The following PDE5A variants were observed in gnomAD, a reference collection of about 807,000 sequenced individuals.
PDE5A encodes cGMP-specific 3',5'-cyclic phosphodiesterase.
A neutral mutation model predicts 110.2 loss-of-function variants in PDE5A; 67 were observed. The observed-to-expected ratio is 0.61, with a 90% CI of 0.50 to 0.75. The LOEUF (loss-of-function observed/expected upper bound fraction) is 0.75, where lower values mean the gene tolerates loss of function less well. Among genes scored for constraint, PDE5A ranks in the 30% least tolerant of loss-of-function variants. PDE5A has a pLI of 0.00. For missense variants in PDE5A, 862 were observed against 1,045.1 expected (o/e 0.82, Z 2.42); for synonymous variants, 328 against 351.2 (o/e 0.93, Z 0.74).
At chr4:119,502,359 A>G (rs1725377644) in intron 19 of PDE5A, 2 of 348,542 alleles carry the variant, frequency 5.7e-6, no homozygotes, top group Non-Finnish European at 1.0e-5. Flanking sequence ...AATTACAAAG[A>G]ACACTGATAC....
At chr4:119,547,919 G>T (rs545562193) in intron 9 of PDE5A, among the ~76,000 whole-genome samples, 57 of 151,818 alleles carry the variant, frequency 3.8e-4, no homozygotes, top group Non-Finnish European at 6.9e-4. Flanking sequence ...TGAAAGTAAA[G>T]CTATATATGT....
intron 6 of PDE5A, 66 bp from the exon 7 acceptor site, chr4:119,560,429 A>C: frequency 1.0e-6 from 1 of 953,570 alleles, no homozygotes; most frequent in South Asian, 1.8e-5. Context: ...CTAGATACAG[A>C]CATACATGCT....
intron 10 of PDE5A, among the ~76,000 whole-genome samples, chr4:119,539,602 G>C (rs1726854449): frequency 6.6e-6 from 1 of 152,006 alleles, no homozygotes; most frequent in African/African-American, 2.4e-5. Context: ...GTGCTGGCCT[G>C]TAAAGCCATC....
intron 4 of PDE5A, among the ~76,000 whole-genome samples, chr4:119,566,630 G>A (rs1727944953): frequency 6.6e-6 from 1 of 152,154 alleles, no homozygotes; most frequent in Non-Finnish European, 1.5e-5. Context: ...CCCACTGTCT[G>A]TGCGCAAGGC....
chr4:119,606,743 A>G lies in PDE5A; in HGVS notation c.707T>C (p.Leu236Pro). 6.2e-7 allele frequency: 1 copy of G among 1,614,150 alleles called. No individual in the cohort carries two copies. Among genetic ancestry groups the G allele is most frequent in the Non-Finnish European group, 8.5e-7 (1 of 1,180,008 alleles). The change falls in exon 2 of 21, where the codon CTT becomes CCT. Residue 236 changes from leucine (L) to proline (P), a missense_variant. By Grantham distance (98) the Leu-to-Pro change is moderately conservative. Coordinates refer to ENST00000354960, the MANE Select transcript of PDE5A (RefSeq NM_001083.4). ...ATCTTTGATGTTCAAGGGCTCACCA[A>G]GCGCTGCCACATGTCCCACAATGCC... ...NKGIVGHVAA[L>P]GEPLNIKDAY...
intron 12 of PDE5A, 31 bp from the exon 13 acceptor site, chr4:119,521,091 T>C: frequency 6.2e-7 from 1 of 1,602,006 alleles, no homozygotes; most frequent in Non-Finnish European, 8.5e-7. Context: ...GTAGTAACAA[T>C]AATTGCCAAC....
Position 119,627,383 on chromosome 4 carries a change from C to T in PDE5A, c.152+1137G>A. ...TGGCGGGGAGCGACCGGCAGAGCCG[C>T]GGCCGCGCGCCGGCGAGTGGGACCC... On this transcript the variant is annotated intron_variant, in intron 1 of 20. Transcript: ENST00000354960. The surrounding 1 kb of genome is among the most constrained non-coding windows in gnomAD (Gnocchi z 4.6). The T allele has an allele frequency of 2.3e-6, 2 of 872,976 alleles. No homozygotes were observed. The highest frequency in any genetic ancestry group is 1.4e-6 in the Non-Finnish European group (1 of 725,718). 54.1% of individuals were successfully genotyped at this position (872,976 alleles called of 1,614,324 possible).
At chr4:119,529,791 T>C (rs1726466709) in intron 11 of PDE5A, among the ~76,000 whole-genome samples, 3 of 152,150 alleles carry the variant, frequency 2.0e-5, no homozygotes. Context: ...TGCTCTATTT[T>C]GCAACGAAAG....
At chr4:119,574,982 AG>A (rs1728279331) in intron 3 of PDE5A, among the ~76,000 whole-genome samples, 1 of 152,228 alleles carries the variant, frequency 6.6e-6, no homozygotes, top group South Asian at 2.1e-4. Context: ...AATGCAGAGA[AG>A]TCCTTAAAGG....
At chr4:119,516,719 G>A (rs1725920175) in intron 14 of PDE5A, among the ~76,000 whole-genome samples, 1 of 152,166 alleles carries the variant, frequency 6.6e-6, no homozygotes, top group Non-Finnish European at 1.5e-5. Context: ...CTGGGTTCAA[G>A]TGATTCTCCT....
chr4:119,562,562 G>T lies in PDE5A; in HGVS notation c.1131+271C>A, dbSNP rs113292983. Among the ~76,000 whole-genome samples, 1,427 of 152,202 alleles carry T rather than the reference G, an allele frequency of 9.4e-3. 24 individuals carry two copies. Among genetic ancestry groups the T allele is most frequent in the African/African-American group, 0.032 (1,342 of 41,528 alleles). Reference sequence around the variant, plus strand: ...GACAGTGTAGCCATTGGTAGAAGCAGCACACAGACATTCCCATGGTAACTA... The same window carrying T: ...GACAGTGTAGCCATTGGTAGAAGCATCACACAGACATTCCCATGGTAACTA... On this transcript the variant is annotated intron_variant, in intron 6 of 20. Transcript: ENST00000354960.
At chr4:119,535,948 C>T (rs983533984) in intron 11 of PDE5A, among the ~76,000 whole-genome samples, 4 of 152,060 alleles carry the variant, frequency 2.6e-5, no homozygotes, top group African/African-American at 7.2e-5. Flanking sequence ...CTGGATGATA[C>T]AAACACCTGT....
intron 3 of PDE5A, among the ~76,000 whole-genome samples, chr4:119,580,719 G>A (rs998031480): frequency 1.3e-5 from 2 of 152,210 alleles, no homozygotes; most frequent in East Asian, 3.8e-4. Flanking sequence ...TCCTAAGCCA[G>A]CACAAGACCA....
chr4:119,566,672 G>A (rs1446761812), intron 4 of PDE5A, among the ~76,000 whole-genome samples: 2 of 152,194 alleles, frequency 1.3e-5, no homozygotes, highest in African/African-American at 4.8e-5. Context: ...GCTACGCCAG[G>A]AGGCAATTCC....
At chr4:119,500,861 T>TAAAA (rs35960124) in intron 20 of PDE5A, 1 of 201,536 alleles carries the variant, frequency 5.0e-6, no homozygotes, top group Non-Finnish European at 9.9e-6. Context: ...AATTTAGACT[T>TAAAA]AAAAAAAGAA....
intron 3 of PDE5A, among the ~76,000 whole-genome samples, chr4:119,582,675 G>A (rs913108252): frequency 1.3e-5 from 2 of 152,176 alleles, no homozygotes; most frequent in African/African-American, 4.8e-5. Flanking sequence ...GCAGAAATCA[G>A]TCCTTGATCC....
intron 7 of PDE5A, among the ~76,000 whole-genome samples, chr4:119,557,504 C>T (rs1727584207): frequency 6.6e-6 from 1 of 151,820 alleles, no homozygotes; most frequent in African/African-American, 2.4e-5. Context: ...GAATTAGGTA[C>T]GTGGAGCTTG....
intron 13 of PDE5A, 36 bp downstream of exon 13, chr4:119,520,899 A>C: frequency 6.5e-7 from 1 of 1,544,432 alleles, no homozygotes; most frequent in Non-Finnish European, 8.8e-7. Context: ...CTAAGCAACA[A>C]AATGTATTAG....
chr4:119,498,786 A>G, intron 20 of PDE5A, 48 bp from the exon 21 acceptor site: 1 of 1,607,214 alleles, frequency 6.2e-7, no homozygotes, highest in East Asian at 2.2e-5. Flanking sequence ...CCAGGAAATA[A>G]GTCCTCTCCC....
Sources: gnomAD v4.1 joint callset for allele counts (sites outside exome capture counted in the v4.1 genomes callset) on GRCh38, gnomAD v4.1.1 for gene constraint, Gnocchi (gnomAD v3.1) non-coding constraint, MANE v1.5 for transcripts, NCBI Gene and HGNC (gene_info 2026-07-23, HGNC 2026-07-21) for gene names.